The following EIF3J variants were observed in gnomAD, a reference collection of about 807,000 sequenced individuals.
EIF3J encodes eukaryotic translation initiation factor 3, subunit 1 (alpha, 35kD).
A neutral mutation model predicts 39.0 loss-of-function variants in EIF3J; 15 were observed. The observed-to-expected ratio is 0.38, with a 90% CI of 0.26 to 0.59. The LOEUF (loss-of-function observed/expected upper bound fraction) is 0.59. Ranked by LOEUF, EIF3J falls within the 20% of genes least tolerant of loss-of-function variation. EIF3J has a pLI of 0.60. For missense variants in EIF3J, 226 were observed against 308.6 expected (o/e 0.73, Z 2.00); for synonymous variants, 98 against 112.9 (o/e 0.87, Z 0.84).
chr15:44,541,282 T>G (rs987034724), intron 2 of EIF3J, among the ~76,000 whole-genome samples: 2 of 152,216 alleles, frequency 1.3e-5, no homozygotes, highest in Non-Finnish European at 2.9e-5. Context: ...ACATAACTTT[T>G]GCTCCATTTT....
intron 2 of EIF3J, among the ~76,000 whole-genome samples, chr15:44,539,943 CTTT>C (rs371734858): frequency 1.5e-5 from 2 of 131,062 alleles, no homozygotes; most frequent in African/African-American, 2.9e-5. Flanking sequence ...ATATTTTTTT[CTTT>C]TTTTTTTTTT....
intron 3 of EIF3J, 35 bp from the exon 4 acceptor site, chr15:44,551,392 TACTC>T (rs778514696): frequency 1.7e-5 from 23 of 1,328,690 alleles, no homozygotes; most frequent in East Asian, 1.2e-4. Context: ...AACTGGAAAA[TACTC>T]AGTATAACTG....
At chr15:44,540,574 A>G (rs553442360) in intron 2 of EIF3J, among the ~76,000 whole-genome samples, 19 of 151,878 alleles carry the variant, frequency 1.3e-4, no homozygotes, top group Non-Finnish European at 2.4e-4. Context: ...CACCTGGCCT[A>G]TTTATTTTGA....
intron 2 of EIF3J, 101 bp downstream of exon 2, chr15:44,537,528 TC>T: frequency 7.9e-7 from 1 of 1,259,312 alleles, no homozygotes; most frequent in Non-Finnish European, 1.0e-6. Flanking sequence ...GGGCCGTGGG[TC>T]CAGGCGCGAG....
In EIF3J at chr15:44,560,245, T is replaced by A. The variant is rs571889747; in HGVS notation, c.572-4T>A. ...GTTTAATGGTATGCCCTTTTTTTTTTAAGTGGAAATTGATGACTTGAAAAA... is the reference window on the plus strand; with the variant it reads ...GTTTAATGGTATGCCCTTTTTTTTTAAAGTGGAAATTGATGACTTGAAAAA... On this transcript the variant is annotated splice_region_variant and splice_polypyrimidine_tract_variant and intron_variant, in intron 6 of 7. Transcript: ENST00000261868. 1.1e-4 allele frequency: 173 copies of A among 1,594,582 alleles called. No homozygotes were observed. The highest frequency in any genetic ancestry group is 1.3e-4 in the Non-Finnish European group (149 of 1,175,018).
chr15:44,557,272 A>G (rs557094748), intron 5 of EIF3J, among the ~76,000 whole-genome samples: 34 of 152,272 alleles, frequency 2.2e-4, no homozygotes, highest in Non-Finnish European at 1.8e-4. Context: ...GCTGAATTAG[A>G]GGTTAATAAA....
chr15:44,541,444 G>A (rs1240047043), intron 2 of EIF3J, among the ~76,000 whole-genome samples: 1 of 152,204 alleles, frequency 6.6e-6, no homozygotes, highest in Non-Finnish European at 1.5e-5. Context: ...TGAAGAGGCT[G>A]AGGCAAGAGG....
At chr15:44,538,537 G>A (rs1420466687) in intron 2 of EIF3J, among the ~76,000 whole-genome samples, 1 of 152,138 alleles carries the variant, frequency 6.6e-6, no homozygotes. Context: ...AACTTAATAG[G>A]AATGTTGTTT....
chr15:44,542,219 A>G (rs1339835348), intron 2 of EIF3J, among the ~76,000 whole-genome samples: 6 of 152,192 alleles, frequency 3.9e-5, no homozygotes, highest in Non-Finnish European at 7.3e-5. Flanking sequence ...GTGGAAGAAC[A>G]TTTTGGCTTT....
intron 2 of EIF3J, among the ~76,000 whole-genome samples, chr15:44,540,122 A>G (rs1272840975): frequency 2.0e-5 from 3 of 149,698 alleles, no homozygotes; most frequent in Non-Finnish European, 3.0e-5. Flanking sequence ...TATTTTTAGT[A>G]GAGACGGGGT....
intron 6 of EIF3J, among the ~76,000 whole-genome samples, chr15:44,559,475 C>T (rs1199713237): frequency 6.6e-6 from 1 of 151,592 alleles, no homozygotes; most frequent in Non-Finnish European, 1.5e-5. Flanking sequence ...CTTTGGGAGG[C>T]CGAGGCAGGC....
At chr15:44,540,002 C>G (rs931778527) in intron 2 of EIF3J, among the ~76,000 whole-genome samples, 7 of 148,198 alleles carry the variant, frequency 4.7e-5, no homozygotes, top group Non-Finnish European at 8.9e-5. Flanking sequence ...TGCCGTGGCA[C>G]GATCTTGGCT....
chr15:44,537,510 G>C, intron 2 of EIF3J, 83 bp downstream of exon 2: 1 of 1,359,498 alleles, frequency 7.4e-7, no homozygotes, highest in South Asian at 1.6e-5. Flanking sequence ...GTCGCTGCCG[G>C]GGCCTGCGGG....
At chr15:44,554,422 C>G in intron 4 of EIF3J, 131 bp from the exon 5 acceptor site, 1 of 372,384 alleles carries the variant, frequency 2.7e-6, no homozygotes, top group Non-Finnish European at 4.9e-6. Flanking sequence ...AGAAGAATGC[C>G]TGAAACAGTA....
At chr15:44,560,908 A>C in intron 7 of EIF3J, 110 bp from the exon 8 acceptor site, 4 of 1,413,574 alleles carry the variant, frequency 2.8e-6, no homozygotes, top group Non-Finnish European at 3.8e-6. Context: ...TTACAGAACT[A>C]GTGTTTCTGG....
Position 44,537,385 on chromosome 15 carries a change from C to A in EIF3J, c.105C>A (p.Gly35=). 6.4e-7 allele frequency: 1 copy of A among 1,566,606 alleles called. No individual in the cohort carries two copies. The highest frequency in any genetic ancestry group is 1.3e-5 in the African/African-American group (1 of 74,168). The change falls in exon 2 of 8, where the codon GGC becomes GGA. Residue 35 remains glycine, a synonymous_variant. Transcript: ENST00000261868. ...VRKVGGGGTA[G]GDRWEGEDED... Reference sequence around the variant, plus strand: ...AGGTGGGGGGCGGCGGCACTGCCGGCGGGGACCGCTGGGAAGGCGAGGACG... The same window carrying A: ...AGGTGGGGGGCGGCGGCACTGCCGGAGGGGACCGCTGGGAAGGCGAGGACG...
intron 2 of EIF3J, among the ~76,000 whole-genome samples, chr15:44,549,142 C>A (rs1035985539): frequency 6.6e-6 from 1 of 152,096 alleles, no homozygotes; most frequent in Non-Finnish European, 1.5e-5. Context: ...GCCTGTACTC[C>A]CAGCACTTCG....
chr15:44,549,078 T>G (rs1432057810), intron 2 of EIF3J, among the ~76,000 whole-genome samples: 9 of 151,910 alleles, frequency 5.9e-5, no homozygotes, highest in East Asian at 5.8e-4. Context: ...GAAGAAATTG[T>G]GGGTGAATTC....
chr15:44,543,587 T>C (rs1396272361), intron 2 of EIF3J, among the ~76,000 whole-genome samples: 1 of 152,098 alleles, frequency 6.6e-6, no homozygotes, highest in Non-Finnish European at 1.5e-5. Flanking sequence ...CTAATTTTTG[T>C]ATTTTTAGTA....
Sources: gnomAD v4.1 joint callset for allele counts (sites outside exome capture counted in the v4.1 genomes callset) on GRCh38, gnomAD v4.1.1 for gene constraint, MANE v1.5 for transcripts, NCBI Gene and HGNC (gene_info 2026-07-23, HGNC 2026-07-21) for gene names.